TBC1D5: variants seen among roughly 807,000 people sequenced by gnomAD.
TBC1D5 encodes TBC1 domain family member 5.
A neutral mutation model predicts 100.3 loss-of-function variants in TBC1D5; 75 were observed. The ratio of observed to expected loss-of-function variants is 0.75; its 90% CI spans 0.62 to 0.91. TBC1D5 has a LOEUF of 0.91. Among genes scored for constraint, TBC1D5 ranks in the 40% least tolerant of loss-of-function variants. The pLI, the probability that TBC1D5 is intolerant of heterozygous loss-of-function variation, is 0.00. For synonymous variants in TBC1D5, 323 were observed against 325.6 expected (o/e 0.99, Z 0.09); for missense variants, 910 against 942.4 (o/e 0.97, Z 0.45).
intron 16 of TBC1D5, among the ~76,000 whole-genome samples, chr3:17,251,435 C>CAA (rs1491251696): frequency 6.9e-6 from 1 of 144,868 alleles, no homozygotes; most frequent in African/African-American, 2.5e-5. Context: ...ACCCCCCCCC[C>CAA]CCCAGTAGAA....
chr3:17,521,148 C>T (rs1032246426), intron 2 of TBC1D5, among the ~76,000 whole-genome samples: 5 of 152,142 alleles, frequency 3.3e-5, no homozygotes, highest in Non-Finnish European at 7.4e-5. Context: ...GACAAGAATA[C>T]AAGAGCTGCT....
chr3:17,709,779 G>A (rs1009038842), intron 1 of TBC1D5, among the ~76,000 whole-genome samples: 7 of 152,102 alleles, frequency 4.6e-5, no homozygotes, highest in Admixed American at 3.9e-4. Flanking sequence ...CAAAATATAG[G>A]AGTTGCTGTT....
intron 3 of TBC1D5, among the ~76,000 whole-genome samples, chr3:17,435,352 C>G (rs183905603): frequency 7.2e-5 from 11 of 152,282 alleles, no homozygotes; most frequent in Non-Finnish European, 1.5e-4. Flanking sequence ...TAAAGGACTA[C>G]CCAAGACTGG....
intron 15 of TBC1D5, among the ~76,000 whole-genome samples, chr3:17,281,465 C>T (rs936253216): frequency 6.6e-6 from 1 of 152,214 alleles, no homozygotes. Flanking sequence ...ACACTGGCCT[C>T]TGTCTGGAGG....
At chr3:17,580,528 C>T (rs1439853702) in intron 2 of TBC1D5, among the ~76,000 whole-genome samples, 1 of 152,172 alleles carries the variant, frequency 6.6e-6, no homozygotes, top group African/African-American at 2.4e-5. Flanking sequence ...ACCATCCATG[C>T]TGCTACTTAA....
intron 2 of TBC1D5, among the ~76,000 whole-genome samples, chr3:17,603,853 C>A (rs1312349437): frequency 1.3e-5 from 2 of 152,110 alleles, no homozygotes; most frequent in South Asian, 2.1e-4. Context: ...CCATGTTGGC[C>A]AGGCTGGTCT....
intron 2 of TBC1D5, among the ~76,000 whole-genome samples, chr3:17,574,570 G>A (rs1437836400): frequency 6.6e-6 from 1 of 152,094 alleles, no homozygotes; most frequent in Non-Finnish European, 1.5e-5. Flanking sequence ...CTTTGCCTTA[G>A]TCTCTCAGAG....
At chr3:17,703,912 TTG>T (rs373576726) in intron 1 of TBC1D5, among the ~76,000 whole-genome samples, 1 of 38,472 alleles carries the variant, frequency 2.6e-5, no homozygotes, top group Non-Finnish European at 6.6e-5. Flanking sequence ...TGTTTTTTTT[TTG>T]TTTTTTTTTT....
rs570781586 is a variant in TBC1D5, at chr3:17,734,028, G to T, written c.-101+5315C>A. On this transcript the variant is annotated intron_variant, in intron 1 of 21. Coordinates refer to ENST00000253692, the Ensembl canonical transcript of TBC1D5. Reference sequence around the variant, plus strand: ...GCCTCAAAAAAAAATGAAAAGTAAAGATGGGCAGATCTTTTGACCCAGCAA... The same window carrying T: ...GCCTCAAAAAAAAATGAAAAGTAAATATGGGCAGATCTTTTGACCCAGCAA... Among the ~76,000 whole-genome samples, 45 of 152,156 alleles carry T rather than the reference G, an allele frequency of 3.0e-4. No homozygotes were observed. In the South Asian group the frequency reaches 5.8e-3, roughly 20 times the overall value.
chr3:17,651,958 G>A (rs2065621839), intron 1 of TBC1D5, among the ~76,000 whole-genome samples: 1 of 152,092 alleles, frequency 6.6e-6, no homozygotes, highest in South Asian at 2.1e-4. Flanking sequence ...ATCTTCCAGA[G>A]CTTCTGACCA....
At chr3:17,220,448 C>T (rs1305280432) in intron 17 of TBC1D5, among the ~76,000 whole-genome samples, 2 of 152,016 alleles carry the variant, frequency 1.3e-5, no homozygotes, top group Non-Finnish European at 2.9e-5. Context: ...GCTTTAAGGT[C>T]CTTTGTGAAC....
At chr3:17,268,804 C>G (rs904518645) in intron 15 of TBC1D5, among the ~76,000 whole-genome samples, 4 of 152,038 alleles carry the variant, frequency 2.6e-5, no homozygotes, top group South Asian at 2.1e-4. Context: ...ATCAAGAGAC[C>G]ATTCGGGGGC....
At chr3:17,636,008 C>G (rs980470540) in intron 1 of TBC1D5, among the ~76,000 whole-genome samples, 1 of 152,064 alleles carries the variant, frequency 6.6e-6, no homozygotes, top group African/African-American at 2.4e-5. Flanking sequence ...GCCTGGCCAA[C>G]ATGGTAAAAC....
At chr3:17,395,861 C>G (rs186064702) in intron 8 of TBC1D5, among the ~76,000 whole-genome samples, 1 of 152,132 alleles carries the variant, frequency 6.6e-6, no homozygotes, top group East Asian at 1.9e-4. Flanking sequence ...AATTTGCATG[C>G]TCAAATGAAA....
intron 18 of TBC1D5, among the ~76,000 whole-genome samples, chr3:17,198,063 G>C (rs1348916462): frequency 2.6e-5 from 4 of 152,078 alleles, no homozygotes; most frequent in Non-Finnish European, 5.9e-5. Context: ...TTCTGAAGAC[G>C]ACTGTTCAAT....
At chr3:17,222,642 CT>C (rs2074409986) in intron 17 of TBC1D5, among the ~76,000 whole-genome samples, 1 of 152,072 alleles carries the variant, frequency 6.6e-6, no homozygotes, top group South Asian at 2.1e-4. Flanking sequence ...TATAAACAAA[CT>C]TTCTGTTTGT....
chr3:17,546,262 T>C (rs767441126), intron 2 of TBC1D5, among the ~76,000 whole-genome samples: 4 of 152,192 alleles, frequency 2.6e-5, no homozygotes, highest in Admixed American at 6.5e-5. Context: ...AAATCCTATC[T>C]AAGATTCCAA....
At chr3:17,182,450 T>C (rs561638352) in intron 19 of TBC1D5, among the ~76,000 whole-genome samples, 6 of 152,320 alleles carry the variant, frequency 3.9e-5, no homozygotes, top group African/African-American at 1.2e-4. Flanking sequence ...TCAGTGCTGA[T>C]TGAAAGACCA....
At chr3:17,240,903 C>G (rs1021261187) in intron 16 of TBC1D5, among the ~76,000 whole-genome samples, 1 of 152,146 alleles carries the variant, frequency 6.6e-6, no homozygotes. Context: ...AATGCATCTT[C>G]ATTACTACTA....
Sources: gnomAD v4.1 joint callset for allele counts (sites outside exome capture counted in the v4.1 genomes callset) on GRCh38, gnomAD v4.1.1 for gene constraint, MANE v1.5 for transcripts, NCBI Gene and HGNC (gene_info 2026-07-23, HGNC 2026-07-21) for gene names.